Variants in APTX observed in about 807,000 individuals in gnomAD.
APTX encodes forkhead-associated domain histidine triad-like protein.
APTX carries 33 observed loss-of-function variants against 42.3 expected under a neutral mutation model. The ratio of observed to expected loss-of-function variants is 0.78; its 90% CI spans 0.59 to 1.04. APTX has a LOEUF of 1.04. Among genes scored for constraint, APTX ranks in the 50% least tolerant of loss-of-function variants. The pLI is 0.00. For missense variants in APTX, 421 were observed against 415.1 expected, an observed-to-expected ratio of 1.01 and a Z score of -0.12; for synonymous variants, 130 against 146.7, an observed-to-expected ratio of 0.89 and a Z score of 0.82.
At chr9:33,002,338 G>C (rs10971287), upstream of APTX, among the ~76,000 whole-genome samples, 10,725 of 152,164 alleles carry the variant, frequency 0.07, 512 homozygotes, top group Non-Finnish European at 0.11. Context: ...TGAATTTTCT[G>C]CTAGGCCCAT....
At chr9:33,005,322 C>T (rs1382000366), upstream of APTX, among the ~76,000 whole-genome samples, 1 of 152,016 alleles carries the variant, frequency 6.6e-6, no homozygotes, top group African/African-American at 2.4e-5. Context: ...GAAAACATTG[C>T]CAAATCTGTC....
Position 32,974,476 on chromosome 9 carries a change from A to ATTC in APTX, c.853_855dup (p.Glu285dup). ...TGTTTACCTTGTGATTCTAGGAAGTATTCTGTATTGAAAGAATTCCAATGT... is the reference window on the plus strand; with the variant it reads ...TGTTTACCTTGTGATTCTAGGAAGTATTCTTCTGTATTGAAAGAATTCCAATGT... On this transcript the variant is annotated inframe_insertion, in exon 7 of 8. Transcript: ENST00000379817. 6.3e-7 allele frequency: 1 copy of ATTC among 1,592,428 alleles called. No homozygotes were observed. Among genetic ancestry groups the ATTC allele is most frequent in the Non-Finnish European group, 8.6e-7 (1 of 1,160,642 alleles).
chr9:33,014,523 G>A (rs1837761465), intron 1 of APTX, among the ~76,000 whole-genome samples: 1 of 151,964 alleles, frequency 6.6e-6, no homozygotes, highest in African/African-American at 2.4e-5. Context: ...GCATAGCTGG[G>A]GAGCAGCAGG....
intron 5 of APTX, among the ~76,000 whole-genome samples, chr9:32,985,436 G>C (rs1414800719): frequency 4.0e-5 from 6 of 148,556 alleles, no homozygotes; most frequent in African/African-American, 1.3e-4. Context: ...CCGGATTCAA[G>C]TGATTCTCCT....
chr9:33,023,939 A>C (rs370039816), intron 1 of APTX, among the ~76,000 whole-genome samples: 3 of 131,692 alleles, frequency 2.3e-5, no homozygotes, highest in African/African-American at 7.5e-5. Context: ...TTTCCTAAAA[A>C]CATCATATTC....
intron 1 of APTX, among the ~76,000 whole-genome samples, chr9:33,021,808 T>A (rs1247420837): frequency 6.6e-6 from 1 of 152,084 alleles, no homozygotes; most frequent in Non-Finnish European, 1.5e-5. Context: ...AACTTTCAGA[T>A]GGAATAAAAA....
intron 1 of APTX, among the ~76,000 whole-genome samples, chr9:33,000,845 CTTTTT>C (rs74178838): frequency 1.0e-5 from 1 of 98,804 alleles, no homozygotes; most frequent in Non-Finnish European, 2.0e-5. Flanking sequence ...TTTTTTTTTT[CTTTTT>C]TTTTTTTTTT....
intron 1 of APTX, among the ~76,000 whole-genome samples, chr9:33,006,872 T>G (rs1487247741): frequency 6.6e-6 from 1 of 150,540 alleles, no homozygotes; most frequent in African/African-American, 2.4e-5. Flanking sequence ...AGGTGGCGGG[T>G]GCCTGTAGTC....
upstream of APTX, among the ~76,000 whole-genome samples, chr9:33,003,423 G>T (rs1836868659): frequency 6.6e-6 from 1 of 152,156 alleles, no homozygotes; most frequent in Admixed American, 6.6e-5. Context: ...GCTCACACCT[G>T]TAATCCCAGC....
At chr9:32,990,401 G>A (rs1010951018) in intron 1 of APTX, among the ~76,000 whole-genome samples, 2 of 152,062 alleles carry the variant, frequency 1.3e-5, no homozygotes, top group Non-Finnish European at 2.9e-5. Flanking sequence ...TCAAACTTCT[G>A]ACCTCAGGTG....
chr9:33,013,324 G>C (rs2119245879), intron 1 of APTX, among the ~76,000 whole-genome samples: 1 of 152,268 alleles, frequency 6.6e-6, no homozygotes, highest in Middle Eastern at 3.4e-3. Flanking sequence ...TTGTGGCGGG[G>C]CCAGGATTCA....
chr9:32,981,976 C>T (rs1830774983), intron 6 of APTX, among the ~76,000 whole-genome samples: 1 of 151,130 alleles, frequency 6.6e-6, no homozygotes, highest in African/African-American at 2.4e-5. Flanking sequence ...AAATATCTAA[C>T]CCAAAATATT....
intron 5 of APTX, 97 bp from the exon 6 acceptor site, chr9:32,984,954 T>C: frequency 1.7e-6 from 2 of 1,179,708 alleles, no homozygotes; most frequent in Non-Finnish European, 2.5e-6. Context: ...TCCCACAGTC[T>C]TGTGCAAATG....
chr9:33,002,876 CT>C (rs1320329730), upstream of APTX, among the ~76,000 whole-genome samples: 1 of 152,176 alleles, frequency 6.6e-6, no homozygotes, highest in Non-Finnish European at 1.5e-5. Flanking sequence ...CTATCAGAGC[CT>C]TCAAGACAGA....
At chr9:32,976,456 T>C (rs1388139171) in intron 6 of APTX, among the ~76,000 whole-genome samples, 1 of 152,154 alleles carries the variant, frequency 6.6e-6, no homozygotes, top group Non-Finnish European at 1.5e-5. Flanking sequence ...ATGAATTACA[T>C]GAATAGAAAG....
At chr9:33,022,498 T>C (rs118168427) in intron 1 of APTX, among the ~76,000 whole-genome samples, 206 of 152,354 alleles carry the variant, frequency 1.4e-3, no homozygotes, top group South Asian at 0.012. Context: ...ACATTCATGT[T>C]GACTCAGCAA....
chr9:32,996,292 T>TTC (rs1554670446), intron 1 of APTX, among the ~76,000 whole-genome samples: 14 of 151,562 alleles, frequency 9.2e-5, no homozygotes, highest in African/African-American at 2.7e-4. Context: ...TTTTTTTTTT[T>TTC]CTGAGACAGG....
At position 32,987,664 on chromosome 9, in the gene APTX, A is replaced by T; in HGVS notation, c.363T>A (p.Ser121Arg). ...GAGCAGCATCCCTTTCTATAGAATCACTGTTGCCTGATCTCTTTCTCTTCC... is the reference window on the plus strand; with the variant it reads ...GAGCAGCATCCCTTTCTATAGAATCTCTGTTGCCTGATCTCTTTCTCTTCC... The part of the protein sequence containing the change: ...THRKRKRSGN[S>R]DSIERDAAQE... The change falls in exon 4 of 8, where the codon AGT becomes AGA. Residue 121 changes from serine (S) to arginine (R), a missense_variant. Ser to Arg is a moderately radical substitution (Grantham distance 110). Transcript: ENST00000379817. 1 of 1,614,078 alleles carries T rather than the reference A, an allele frequency of 6.2e-7. No homozygotes were observed. The highest frequency in any genetic ancestry group is 8.5e-7 in the Non-Finnish European group (1 of 1,180,018).
Position 32,973,227 on chromosome 9 carries a change from G to A in APTX, c.*271C>T, listed in dbSNP as rs1243684044. 1 of 562,874 alleles carries A rather than the reference G, an allele frequency of 1.8e-6. No homozygotes were observed. Among genetic ancestry groups the A allele is most frequent in the South Asian group, 1.5e-5 (1 of 65,442 alleles). The allele number at this position is 562,874 out of a possible 1,614,324, so 34.9% of individuals were successfully genotyped here. On this transcript the variant is annotated 3_prime_UTR_variant, in exon 8 of 8. Transcript: ENST00000379817. ...TGTGAACATGGCTTTGCTCCCAATGGTCAGACCTGACATGGGTCCTTCTGA... is the reference window on the plus strand; with the variant it reads ...TGTGAACATGGCTTTGCTCCCAATGATCAGACCTGACATGGGTCCTTCTGA...
Sources: gnomAD v4.1 joint callset for allele counts (sites outside exome capture counted in the v4.1 genomes callset) on GRCh38, gnomAD v4.1.1 for gene constraint, MANE v1.5 for transcripts, NCBI Gene and HGNC (gene_info 2026-07-23, HGNC 2026-07-21) for gene names.